Variants in TMEM51 observed in about 807,000 individuals in gnomAD.
The protein encoded by TMEM51 is transmembrane protein 51.
TMEM51 carries 8 observed loss-of-function variants against 13.6 expected under a neutral mutation model. The ratio of observed to expected loss-of-function variants is 0.59; its 90% CI spans 0.35 to 1.07. The LOEUF is 1.07. TMEM51 is among the 50% of genes least tolerant of loss of function. TMEM51 has a pLI of 0.02. For synonymous variants in TMEM51, 147 were observed against 144.4 expected (o/e 1.02, Z -0.13); for missense variants, 279 against 330.7 (o/e 0.84, Z 1.21).
At chr1:15,194,716 T>C (rs976602787) in intron 1 of TMEM51, among the ~76,000 whole-genome samples, 2 of 152,006 alleles carry the variant, frequency 1.3e-5, no homozygotes, top group East Asian at 3.9e-4. Flanking sequence ...ATGTTTAACA[T>C]GCCTCTTGTT....
At chr1:15,159,132 G>A (rs1010626972) in intron 1 of TMEM51, among the ~76,000 whole-genome samples, 2 of 152,136 alleles carry the variant, frequency 1.3e-5, no homozygotes, top group Non-Finnish European at 2.9e-5. Context: ...AAGGAAGCTC[G>A]GCTTATGCTA....
chr1:15,161,452 C>G lies in TMEM51; in HGVS notation c.-267+7498C>G, dbSNP rs1263079860. ...CCTGGAAAGCAGAGGTTGCAGTGAGCCGAGATCGTGCCACTGAACTCCAGC... is the reference window on the plus strand; with the variant it reads ...CCTGGAAAGCAGAGGTTGCAGTGAGGCGAGATCGTGCCACTGAACTCCAGC... On this transcript the variant is annotated intron_variant, in intron 1 of 3. Coordinates refer to ENST00000376008, the MANE Select transcript of TMEM51 (RefSeq NM_001136218.2). The surrounding 1 kb of genome is among the most constrained non-coding windows in gnomAD (Gnocchi z 4.0). Among the ~76,000 whole-genome samples, 3 of 151,906 alleles carry G rather than the reference C, an allele frequency of 2.0e-5. No individual in the cohort carries two copies. The highest frequency in any genetic ancestry group is 7.3e-5 in the African/African-American group (3 of 41,222).
At chr1:15,187,804 G>C (rs1643828538) in intron 1 of TMEM51, among the ~76,000 whole-genome samples, 1 of 152,062 alleles carries the variant, frequency 6.6e-6, no homozygotes, top group African/African-American at 2.4e-5. Flanking sequence ...CCCTCTCTCA[G>C]TGAGTGACCT....
intron 1 of TMEM51, among the ~76,000 whole-genome samples, chr1:15,178,927 C>T (rs1269565881): frequency 6.6e-6 from 1 of 152,180 alleles, no homozygotes; most frequent in Non-Finnish European, 1.5e-5. Flanking sequence ...GGGCTTTTAG[C>T]CCTCATATGA....
At chr1:15,164,897 A>G (rs965456710) in intron 1 of TMEM51, among the ~76,000 whole-genome samples, 1 of 146,524 alleles carries the variant, frequency 6.8e-6, no homozygotes, top group Non-Finnish European at 1.5e-5. Context: ...CTGCCTCCCG[A>G]GTTCAAGCAA....
At chr1:15,178,085 C>A (rs562360648) in intron 1 of TMEM51, among the ~76,000 whole-genome samples, 8 of 152,054 alleles carry the variant, frequency 5.3e-5, no homozygotes, top group African/African-American at 1.9e-4. Flanking sequence ...TAATGCCTGC[C>A]TTGCACAGGC....
intron 1 of TMEM51, among the ~76,000 whole-genome samples, chr1:15,163,638 TGTAATAATAGCAACAAAATTAGAAAGCCA>T (rs1553197695): frequency 9.9e-5 from 15 of 151,126 alleles, no homozygotes; most frequent in South Asian, 2.1e-4. Flanking sequence ...TGTTATTTTT[TGTAATAATAGCAACAAAATTAGAAAGCCA>T]TTTTGTTTTT....
At chr1:15,213,768 G>A (rs532237536) in intron 2 of TMEM51, among the ~76,000 whole-genome samples, 9 of 152,264 alleles carry the variant, frequency 5.9e-5, no homozygotes, top group Admixed American at 3.3e-4. Context: ...GGGAGAACTC[G>A]ATGTGGTTTC....
chr1:15,181,845 G>T (rs79662941), intron 1 of TMEM51, among the ~76,000 whole-genome samples: 2 of 152,084 alleles, frequency 1.3e-5, no homozygotes, highest in East Asian at 1.9e-4. Context: ...GAAACTCCAC[G>T]AGGGCTGGTT....
At chr1:15,163,638 T>TTTTTTTTTTTTTTTA (rs1553197690) in intron 1 of TMEM51, among the ~76,000 whole-genome samples, 1 of 151,290 alleles carries the variant, frequency 6.6e-6, no homozygotes. Context: ...TGTTATTTTT[T>TTTTTTTTTTTTTTTA]GTAATAATAG....
At position 15,195,621 on chromosome 1, in the gene TMEM51, TC is replaced by T. The variant is rs367867710; in HGVS notation, c.-266-14868del. Reference sequence around the variant, plus strand: ...CTCCTTCTCTGAGTCTCTTGACTCATCGATTCTTCCTTGAGTTCTGAGATTA... The same window carrying T: ...CTCCTTCTCTGAGTCTCTTGACTCATGATTCTTCCTTGAGTTCTGAGATTA... On this transcript the variant is annotated intron_variant, in intron 1 of 3. Transcript: ENST00000376008. 4.2e-4 allele frequency among the ~76,000 whole-genome samples: 64 copies of T among 152,322 alleles called. No individual in the cohort carries two copies. In the East Asian group the frequency reaches 7.7e-3, roughly 18 times the overall value.
chr1:15,216,759 T>G (rs1045628378), intron 3 of TMEM51, among the ~76,000 whole-genome samples: 1 of 151,986 alleles, frequency 6.6e-6, no homozygotes, highest in African/African-American at 2.4e-5. Context: ...TTCAATGGAG[T>G]TCTATGCAGC....
intron 1 of TMEM51, chr1:15,168,594 C>A (rs1329197081): frequency 7.7e-7 from 1 of 1,304,568 alleles, no homozygotes; most frequent in East Asian, 5.5e-5. Flanking sequence ...CCTGGCTGAG[C>A]CAAGAGAGAC....
intron 1 of TMEM51, among the ~76,000 whole-genome samples, chr1:15,196,201 C>A (rs548059931): frequency 6.6e-6 from 1 of 152,314 alleles, no homozygotes; most frequent in East Asian, 1.9e-4. Flanking sequence ...GGGATGTGAA[C>A]TCAGCTGGAG....
chr1:15,153,119 C>G (rs187542622), upstream of TMEM51, among the ~76,000 whole-genome samples: 1 of 152,332 alleles, frequency 6.6e-6, no homozygotes, highest in Admixed American at 6.5e-5. Context: ...CGTGAGCTGA[C>G]TCAGTTTTTA....
intron 1 of TMEM51, among the ~76,000 whole-genome samples, chr1:15,203,029 TCTGCA>T (rs1303754253): frequency 6.6e-6 from 1 of 152,170 alleles, no homozygotes; most frequent in Non-Finnish European, 1.5e-5. Context: ...GCAGCTACTG[TCTGCA>T]GGGCATTGGG....
chr1:15,194,329 T>C (rs1462625000), intron 1 of TMEM51, among the ~76,000 whole-genome samples: 1 of 152,252 alleles, frequency 6.6e-6, no homozygotes, highest in Non-Finnish European at 1.5e-5. Context: ...CTTTTTGTCC[T>C]CCTAAGCCTC....
intron 1 of TMEM51, among the ~76,000 whole-genome samples, chr1:15,183,980 G>T (rs1475074751): frequency 1.3e-5 from 2 of 152,174 alleles, no homozygotes; most frequent in South Asian, 2.1e-4. Flanking sequence ...GGTCCGGGGT[G>T]GCCCTGAGTG....
At chr1:15,213,804 T>A (rs1028970519) in intron 2 of TMEM51, among the ~76,000 whole-genome samples, 1 of 152,154 alleles carries the variant, frequency 6.6e-6, no homozygotes, top group Admixed American at 6.5e-5. Flanking sequence ...GCTGGGTGAC[T>A]TCATGTGGCC....
Sources: allele counts gnomAD v4.1 joint callset (sites outside exome capture counted in the v4.1 genomes callset), GRCh38; gene constraint gnomAD v4.1.1; non-coding constraint Gnocchi (gnomAD v3.1); transcripts MANE v1.5; gene names NCBI Gene and HGNC (gene_info 2026-07-23, HGNC 2026-07-21).